Variants in JAK1 observed in about 807,000 individuals in gnomAD.
JAK1 encodes the protein tyrosine-protein kinase JAK1.
JAK1 carries 16 observed loss-of-function variants against 136.6 expected under a neutral mutation model. The observed-to-expected ratio is 0.12, with a 90% CI of 0.08 to 0.18. JAK1 has a LOEUF of 0.18. JAK1 is among the 10% of genes least tolerant of loss of function. The pLI, the probability that JAK1 is intolerant of heterozygous loss-of-function variation, is 1.00. For missense variants in JAK1, 859 were observed against 1,450.1 expected, an observed-to-expected ratio of 0.59 and a Z score of 6.62; for synonymous variants, 492 against 519.5, an observed-to-expected ratio of 0.95 and a Z score of 0.72.
At chr1:64,842,641 G>T (rs1202913571) in intron 17 of JAK1, among the ~76,000 whole-genome samples, 1 of 152,162 alleles carries the variant, frequency 6.6e-6, no homozygotes, top group African/African-American at 2.4e-5. Context: ...AAAGACACGG[G>T]TCCTTCCTTA....
At chr1:64,977,780 G>A (rs1646510295) in intron 2 of JAK1, among the ~76,000 whole-genome samples, 1 of 152,092 alleles carries the variant, frequency 6.6e-6, no homozygotes, top group Admixed American at 6.5e-5. Context: ...ACTTGCATTT[G>A]TTGAACACAC....
chr1:64,870,689 G>A (rs955165228), intron 5 of JAK1, among the ~76,000 whole-genome samples: 7 of 152,234 alleles, frequency 4.6e-5, no homozygotes, highest in Middle Eastern at 6.8e-3. Context: ...CCTGGGAGAA[G>A]TGTTCCTGCA....
At chr1:65,011,954 A>G (rs1646852912) in intron 2 of JAK1, among the ~76,000 whole-genome samples, 1 of 152,204 alleles carries the variant, frequency 6.6e-6, no homozygotes, top group African/African-American at 2.4e-5. Context: ...CAGCAGTACA[A>G]TTGGGTAGGC....
At chr1:64,868,029 TGAGA>T (rs973851660) in intron 6 of JAK1, among the ~76,000 whole-genome samples, 9 of 128,422 alleles carry the variant, frequency 7.0e-5, no homozygotes, top group Admixed American at 3.3e-4. Flanking sequence ...AGAGAGAGAG[TGAGA>T]GAGAGAGAGA....
chr1:65,031,431 A>T (rs1237803874), intron 2 of JAK1, among the ~76,000 whole-genome samples: 2 of 152,142 alleles, frequency 1.3e-5, no homozygotes, highest in East Asian at 3.9e-4. Flanking sequence ...TTTTTAAAAA[A>T]TTTCAAGTAA....
At chr1:64,933,139 T>TCC (rs61505124) in intron 1 of JAK1, among the ~76,000 whole-genome samples, 7,482 of 152,168 alleles carry the variant, frequency 0.049, 395 homozygotes, top group East Asian at 0.26. Context: ...ATCCTGAACA[T>TCC]CCCATAAGGT....
At chr1:65,061,345 T>C (rs887388344) in intron 1 of JAK1, among the ~76,000 whole-genome samples, 1 of 152,124 alleles carries the variant, frequency 6.6e-6, no homozygotes, top group Non-Finnish European at 1.5e-5. Context: ...GAGGCTGCCA[T>C]GACTGCACCA....
intron 10 of JAK1, among the ~76,000 whole-genome samples, chr1:64,856,053 G>GA (rs1242640284): frequency 6.6e-6 from 1 of 152,162 alleles, no homozygotes; most frequent in Non-Finnish European, 1.5e-5. Flanking sequence ...ATGGTGTATT[G>GA]AAAAACTTAG....
chr1:64,942,273 T>C (rs1054072988), intron 1 of JAK1: 16 of 152,184 alleles, frequency 1.1e-4, no homozygotes. Context: ...AAAAGTACTA[T>C]GCAGAGACAA....
At chr1:64,944,570 AT>A (rs1390762849) in intron 1 of JAK1, among the ~76,000 whole-genome samples, 1 of 152,218 alleles carries the variant, frequency 6.6e-6, no homozygotes, top group East Asian at 1.9e-4. Context: ...ATAAATGTTC[AT>A]CCAGGAACAC....
At chr1:65,051,089 A>G (rs1647270941) in intron 1 of JAK1, among the ~76,000 whole-genome samples, 1 of 152,160 alleles carries the variant, frequency 6.6e-6, no homozygotes, top group South Asian at 2.1e-4. Flanking sequence ...CTACCTGTAA[A>G]TTATGCAGGG....
intron 1 of JAK1, among the ~76,000 whole-genome samples, chr1:64,923,785 C>T (rs1052006087): frequency 2.0e-5 from 3 of 152,156 alleles, no homozygotes; most frequent in Non-Finnish European, 4.4e-5. Context: ...CCAGGTCTTA[C>T]TGATATGGTT....
chr1:64,983,020 G>A (rs1459431360), intron 2 of JAK1, among the ~76,000 whole-genome samples: 1 of 152,096 alleles, frequency 6.6e-6, no homozygotes, highest in Non-Finnish European at 1.5e-5. Context: ...AACAACCAGA[G>A]GGAACAGTGA....
At chr1:64,920,481 T>C (rs969160694) in intron 1 of JAK1, among the ~76,000 whole-genome samples, 4 of 152,058 alleles carry the variant, frequency 2.6e-5, no homozygotes, top group Non-Finnish European at 4.4e-5. Flanking sequence ...GAAGCAGAGA[T>C]TGGAAAGAGT....
At chr1:64,930,446 T>C (rs980468126) in intron 1 of JAK1, among the ~76,000 whole-genome samples, 7 of 152,096 alleles carry the variant, frequency 4.6e-5, no homozygotes, top group African/African-American at 1.7e-4. Flanking sequence ...AAAACCACGA[T>C]GAGATACCAT....
chr1:64,852,225 A>C (rs1655647042), intron 11 of JAK1, among the ~76,000 whole-genome samples: 1 of 152,200 alleles, frequency 6.6e-6, no homozygotes, highest in African/African-American at 2.4e-5. Context: ...TCTTATCCCC[A>C]TTTTATAGAT....
intron 1 of JAK1, among the ~76,000 whole-genome samples, chr1:64,966,045 T>C (rs1646369431): frequency 6.6e-6 from 1 of 152,078 alleles, no homozygotes; most frequent in East Asian, 2.0e-4. Context: ...TTATGAAAAC[T>C]TGCCGTGCGC....
chr1:64,973,844 T>C (rs1023574262), intron 2 of JAK1: 3 of 152,020 alleles, frequency 2.0e-5, no homozygotes, highest in Admixed American at 1.3e-4. Context: ...AAAATACTTA[T>C]TCATAATGAC....
At position 64,916,840 on chromosome 1, in the gene JAK1, CAA is replaced by C. The variant is rs34248076; in HGVS notation, c.-77-30501_-77-30500del. 1.1e-3 allele frequency among the ~76,000 whole-genome samples: 132 copies of C among 120,944 alleles called. 1 individual carries two copies. Among genetic ancestry groups the C allele is most frequent in the Non-Finnish European group, 1.3e-3 (76 of 59,852 alleles). The allele number at this position is 120,944 out of a possible 152,430, so 79.3% of individuals were successfully genotyped here. The stretch of plus-strand genomic sequence containing the variant: ...TGGGTGACAGAGTGAGACCCTTTCT[CAA>C]AAAAAAAAAAAAAAGTTTAGGAAAT... On this transcript the variant is annotated intron_variant, in intron 1 of 24. Coordinates refer to ENST00000342505, the MANE Select transcript of JAK1 (RefSeq NM_002227.4).
Sources: gnomAD v4.1 joint callset for allele counts (sites outside exome capture counted in the v4.1 genomes callset) on GRCh38, gnomAD v4.1.1 for gene constraint, MANE v1.5 for transcripts, NCBI Gene and HGNC (gene_info 2026-07-23, HGNC 2026-07-21) for gene names.